Variants in COBL observed in about 807,000 individuals in gnomAD.
COBL encodes the protein protein cordon-bleu.
Under a neutral mutation model 98.8 loss-of-function variants are expected in COBL, and 51 were observed. That is an observed-to-expected ratio of 0.52 (90% CI 0.41 to 0.65). COBL has a LOEUF of 0.65. Ranked by LOEUF, COBL falls within the 30% of genes least tolerant of loss-of-function variation. The pLI, the probability that COBL is intolerant of heterozygous loss-of-function variation, is 0.00. For synonymous variants in COBL, 634 were observed against 651.7 expected, an observed-to-expected ratio of 0.97 and a Z score of 0.41; for missense variants, 1,617 against 1,617.5, an observed-to-expected ratio of 1.00 and a Z score of 0.01.
chr7:51,109,870 T>A (rs758622153), intron 6 of COBL, among the ~76,000 whole-genome samples: 1 of 152,102 alleles, frequency 6.6e-6, no homozygotes. Context: ...TGGCTGAGGA[T>A]GGAGCGCTGA....
At chr7:51,040,249 A>AT (rs1789047754) in intron 8 of COBL, among the ~76,000 whole-genome samples, 1 of 151,828 alleles carries the variant, frequency 6.6e-6, no homozygotes, top group Non-Finnish European at 1.5e-5. Context: ...ATTCTATGAA[A>AT]TCCCCCCTCC....
intron 2 of COBL, 35 bp from the exon 3 acceptor site, chr7:51,193,624 A>C: frequency 6.3e-7 from 1 of 1,579,740 alleles, no homozygotes; most frequent in East Asian, 2.2e-5. Context: ...ATTATTAGGA[A>C]TGACTGCACT....
chr7:51,249,552 T>C (rs1796541022), intron 1 of COBL, among the ~76,000 whole-genome samples: 1 of 152,198 alleles, frequency 6.6e-6, no homozygotes, highest in South Asian at 2.1e-4. Context: ...ACATAATAAA[T>C]TTTGTAACTT....
At chr7:51,300,984 T>C (rs996441496) in intron 1 of COBL, among the ~76,000 whole-genome samples, 1 of 152,072 alleles carries the variant, frequency 6.6e-6, no homozygotes, top group African/African-American at 2.4e-5. Context: ...GGTTAACCGC[T>C]CCATCAGCTG....
chr7:51,030,721 T>G, intron 9 of COBL, 91 bp downstream of exon 9: 1 of 839,726 alleles, frequency 1.2e-6, no homozygotes, highest in Non-Finnish European at 2.0e-6. Flanking sequence ...TTTCCTCACA[T>G]AGATACATCA....
chr7:51,148,819 T>C (rs1426674637), intron 5 of COBL, among the ~76,000 whole-genome samples: 1 of 152,056 alleles, frequency 6.6e-6, no homozygotes, highest in African/African-American at 2.4e-5. Context: ...AAGCCAGGGC[T>C]GGCCATTCAG....
chr7:51,118,436 C>A (rs1797469496), intron 6 of COBL, among the ~76,000 whole-genome samples: 2 of 151,972 alleles, frequency 1.3e-5, no homozygotes, highest in Admixed American at 1.3e-4. Context: ...GACTGAGAGA[C>A]TTGGCCTTTT....
intron 1 of COBL, among the ~76,000 whole-genome samples, chr7:51,296,418 G>A (rs979127823): frequency 2.6e-5 from 4 of 151,818 alleles, no homozygotes; most frequent in African/African-American, 9.7e-5. Flanking sequence ...ATTAAATGAA[G>A]GCGTGCAATA....
At chr7:51,212,361 C>T (rs561395472) in intron 2 of COBL, among the ~76,000 whole-genome samples, 148 of 152,230 alleles carry the variant, frequency 9.7e-4, no homozygotes, top group African/African-American at 3.5e-3. Flanking sequence ...TGCAGAGGGG[C>T]CACTGCCCCT....
At chr7:51,032,355 T>C (rs1788245235) in intron 8 of COBL, 1 of 152,244 alleles carries the variant, frequency 6.6e-6, no homozygotes, top group Non-Finnish European at 1.5e-5. Flanking sequence ...GCAAGGGCTC[T>C]TGCCTCTATT....
At chr7:51,187,067 A>G (rs971158228) in intron 4 of COBL, among the ~76,000 whole-genome samples, 2 of 152,136 alleles carry the variant, frequency 1.3e-5, no homozygotes, top group African/African-American at 4.8e-5. Flanking sequence ...AGTCTGCAAG[A>G]AAGTTTTACT....
intron 1 of COBL, among the ~76,000 whole-genome samples, chr7:51,285,867 G>A (rs1800309330): frequency 6.6e-6 from 1 of 152,230 alleles, no homozygotes; most frequent in Non-Finnish European, 1.5e-5. Flanking sequence ...ATTCAAGATA[G>A]TGTGATATTG....
chr7:51,060,632 C>T (rs1407027782), intron 7 of COBL, among the ~76,000 whole-genome samples: 5 of 152,146 alleles, frequency 3.3e-5, no homozygotes, highest in African/African-American at 1.2e-4. Context: ...GTCCAGGAAT[C>T]AAGAGGTTAA....
chr7:51,121,904 G>A (rs953717168), intron 6 of COBL, among the ~76,000 whole-genome samples: 51 of 152,298 alleles, frequency 3.3e-4, no homozygotes, highest in African/African-American at 1.0e-3. Context: ...GACTGTTGAC[G>A]TGACTGACAG....
chr7:51,124,800 T>A (rs12538174), intron 6 of COBL, among the ~76,000 whole-genome samples: 1 of 151,752 alleles, frequency 6.6e-6, no homozygotes, highest in South Asian at 2.1e-4. Flanking sequence ...TTGTTTCCAA[T>A]TTTTTTTCTT....
chr7:51,156,321 T>C (rs1786127357), intron 5 of COBL: 5 of 985,390 alleles, frequency 5.1e-6, no homozygotes, highest in Non-Finnish European at 6.0e-6. Flanking sequence ...ACAGTAGTTA[T>C]TCTTGTCCAA....
intron 7 of COBL, among the ~76,000 whole-genome samples, chr7:51,080,657 T>C (rs1793561335): frequency 6.6e-6 from 1 of 152,202 alleles, no homozygotes; most frequent in South Asian, 2.1e-4. Flanking sequence ...ACAGCGTTTG[T>C]TATGTGAGGA....
rs561333976 is a variant in COBL, at chr7:51,199,513, A to G, written c.246-5924T>C. Among the ~76,000 whole-genome samples, 17 of 152,356 alleles carry G rather than the reference A, an allele frequency of 1.1e-4. No individual in the cohort carries two copies. In the South Asian group the frequency reaches 3.5e-3, roughly 32 times the overall value. On this transcript the variant is annotated intron_variant, in intron 2 of 12. Transcript: ENST00000265136. ...CCATAAATTACCTGAAAAGGAATCC[A>G]AAATAGCCATCTTAAAGAAGCTCAA...
At chr7:51,031,087 TCCC>T (rs1208859506) in intron 8 of COBL, 178 bp from the exon 9 acceptor site, 12 of 607,756 alleles carry the variant, frequency 2.0e-5, no homozygotes, top group East Asian at 5.5e-5. Context: ...GGTGTGTGTG[TCCC>T]CCATGTGTGT....
Sources: gnomAD v4.1 joint callset for allele counts (sites outside exome capture counted in the v4.1 genomes callset) on GRCh38, gnomAD v4.1.1 for gene constraint, MANE v1.5 for transcripts, NCBI Gene and HGNC (gene_info 2026-07-23, HGNC 2026-07-21) for gene names.